The following MGST2 variants were observed in gnomAD, a reference collection of about 807,000 sequenced individuals.
The protein encoded by MGST2 is glutathione peroxidase MGST2.
Under a neutral mutation model 16.6 loss-of-function variants are expected in MGST2, and 9 were observed. The ratio of observed to expected loss-of-function variants is 0.54; its 90% CI spans 0.33 to 0.95. MGST2 has a LOEUF of 0.95. MGST2 is among the 40% of genes least tolerant of loss of function. The probability of loss-of-function intolerance (pLI) is 0.03; values close to 1 mark genes in which losing one functional copy is unlikely to be tolerated. For missense variants in MGST2, 159 were observed against 175.1 expected, an observed-to-expected ratio of 0.91 and a Z score of 0.52; for synonymous variants, 79 against 68.0, an observed-to-expected ratio of 1.16 and a Z score of -0.79.
chr4:139,719,610 T>C (rs1234048793), intron 5 of MGST2: 3 of 1,612,782 alleles, frequency 1.9e-6, no homozygotes, highest in African/African-American at 1.3e-5. Flanking sequence ...ACCATTGGCC[T>C]CGCCTGGCTG....
intron 5 of MGST2, among the ~76,000 whole-genome samples, chr4:139,711,560 A>C (rs1375676929): frequency 1.3e-5 from 2 of 152,040 alleles, no homozygotes; most frequent in Non-Finnish European, 2.9e-5. Context: ...CACTGGTGGG[A>C]GTGTAGCAGA....
chr4:139,691,684 TG>T (rs58170369), intron 2 of MGST2, among the ~76,000 whole-genome samples: 69 of 140,624 alleles, frequency 4.9e-4, no homozygotes, highest in East Asian at 3.8e-3. Flanking sequence ...ATGATGATGA[TG>T]ATGATGATGA....
At chr4:139,675,793 G>C (rs1730927751) in intron 1 of MGST2, among the ~76,000 whole-genome samples, 2 of 152,318 alleles carry the variant, frequency 1.3e-5, no homozygotes, top group South Asian at 4.1e-4. Flanking sequence ...GTCCATATTA[G>C]CCACATATGT....
chr4:139,728,315 G>A (rs1397596539), intron 5 of MGST2, among the ~76,000 whole-genome samples: 1 of 152,178 alleles, frequency 6.6e-6, no homozygotes, highest in Non-Finnish European at 1.5e-5. Flanking sequence ...CAGGCAAGAC[G>A]CTCCACTGAC....
chr4:139,704,854 G>A (rs989245004), downstream of MGST2, among the ~76,000 whole-genome samples: 2 of 152,058 alleles, frequency 1.3e-5, no homozygotes, highest in East Asian at 1.9e-4. Context: ...CCTGGGAGGC[G>A]GAGCTTGCAG....
downstream of MGST2, chr4:139,704,313 C>A: frequency 1.1e-6 from 1 of 887,006 alleles, no homozygotes; most frequent in Non-Finnish European, 1.7e-6. Flanking sequence ...CTGAAATTTG[C>A]TTGGGGTAGG....
downstream of MGST2, among the ~76,000 whole-genome samples, chr4:139,741,087 C>G (rs1579381599): frequency 6.6e-6 from 1 of 152,192 alleles, no homozygotes; most frequent in Non-Finnish European, 1.5e-5. Flanking sequence ...CCTCGGCCCC[C>G]ATTCCTATGA....
chr4:139,749,890 C>CA, the MGST2 span, among the ~76,000 whole-genome samples: 1 of 130,386 alleles, frequency 7.7e-6, no homozygotes, highest in Admixed American at 8.1e-5. Context: ...TAAGAACCCC[C>CA]CCCCACCCTA....
chr4:139,715,142 G>A lies in MGST2; in HGVS notation c.*48+10946G>A, dbSNP rs1453166340. Among the ~76,000 whole-genome samples the A allele has an allele frequency of 6.6e-6, 1 of 152,092 alleles. No individual in the cohort carries two copies. Among genetic ancestry groups the A allele is most frequent in the African/African-American group, 2.4e-5 (1 of 41,410 alleles). On this transcript the variant is annotated intron_variant, in intron 5 of 5. Transcript: ENST00000616265. The surrounding 1 kb of genome is among the most constrained non-coding windows in gnomAD (Gnocchi z 4.4). ...AAGCATCCTTGCCTTTTATTAAGGG[G>A]GAGCCTTTAACCACCTCTATCTTAG...
At chr4:139,737,164 A>G (rs1417794100) in intron 5 of MGST2, among the ~76,000 whole-genome samples, 1 of 152,178 alleles carries the variant, frequency 6.6e-6, no homozygotes, top group Admixed American at 6.5e-5. Flanking sequence ...TCGTGTAATA[A>G]GGTGAACTAT....
chr4:139,680,745 T>G (rs2320531), intron 2 of MGST2, among the ~76,000 whole-genome samples: 103,292 of 152,048 alleles, frequency 0.68, 36,039 homozygotes, highest in East Asian at 0.84. Flanking sequence ...GGATGGCTTG[T>G]TTAAATGCAT....
downstream of MGST2, among the ~76,000 whole-genome samples, chr4:139,742,592 C>G (rs1444235727): frequency 6.6e-6 from 1 of 152,106 alleles, no homozygotes; most frequent in African/African-American, 2.4e-5. Context: ...TAGGTGGGGC[C>G]TATATTTTCA....
At chr4:139,677,793 G>A (rs1579294981) in intron 1 of MGST2, among the ~76,000 whole-genome samples, 1 of 152,148 alleles carries the variant, frequency 6.6e-6, no homozygotes, top group South Asian at 2.1e-4. Context: ...GTGAGCCACC[G>A]TGATCGGCAC....
intron 1 of MGST2, 117 bp from the exon 2 acceptor site, chr4:139,678,426 T>C: frequency 1.3e-6 from 1 of 791,294 alleles, no homozygotes; most frequent in Non-Finnish European, 2.2e-6. Context: ...ATCTGTCTTT[T>C]TGATTTTAGA....
intron 2 of MGST2, among the ~76,000 whole-genome samples, chr4:139,694,355 G>A (rs1726794630): frequency 6.6e-6 from 1 of 151,702 alleles, no homozygotes; most frequent in Non-Finnish European, 1.5e-5. Flanking sequence ...TTACAATCCT[G>A]TAGACTATGA....
the MGST2 span, among the ~76,000 whole-genome samples, chr4:139,746,646 T>C: frequency 3.9e-5 from 6 of 152,118 alleles, 1 homozygote; most frequent in Non-Finnish European, 7.3e-5. Flanking sequence ...CCACAGTATC[T>C]AAAGGAACAA....
At chr4:139,668,591 GACAC>G (rs146295438) in intron 1 of MGST2, among the ~76,000 whole-genome samples, 2 of 132,136 alleles carry the variant, frequency 1.5e-5, no homozygotes, top group Non-Finnish European at 3.2e-5. Flanking sequence ...GTTCAAGAAA[GACAC>G]AGAGAGAGAG....
At chr4:139,732,844 T>TA (rs1728780593) in intron 5 of MGST2, among the ~76,000 whole-genome samples, 2 of 152,230 alleles carry the variant, frequency 1.3e-5, no homozygotes, top group Non-Finnish European at 2.9e-5. Context: ...TTCTATTTTT[T>TA]ATGTGTAAAT....
chr4:139,748,887 T>C, the MGST2 span, among the ~76,000 whole-genome samples: 2 of 152,108 alleles, frequency 1.3e-5, no homozygotes, highest in African/African-American at 4.8e-5. Flanking sequence ...TTTGCTGGCC[T>C]CCGAAGAGAG....
Sources: allele counts gnomAD v4.1 joint callset (sites outside exome capture counted in the v4.1 genomes callset), GRCh38; gene constraint gnomAD v4.1.1; non-coding constraint Gnocchi (gnomAD v3.1); transcripts MANE v1.5; gene names NCBI Gene and HGNC (gene_info 2026-07-23, HGNC 2026-07-21).